The following UTRN variants were observed in gnomAD, a reference collection of about 807,000 sequenced individuals.
The protein encoded by UTRN is utrophin, also known as dystrophin-related protein 1.
In UTRN, 283 loss-of-function variants were observed where a neutral mutation model predicts 463.9. The observed-to-expected ratio is 0.61, with a 90% CI of 0.55 to 0.67. The LOEUF (loss-of-function observed/expected upper bound fraction) is 0.67. Ranked by LOEUF, UTRN falls within the 30% of genes least tolerant of loss-of-function variation. The probability of loss-of-function intolerance (pLI) is 0.00; values close to 1 mark genes in which losing one functional copy is unlikely to be tolerated. For synonymous variants in UTRN, 1,442 were observed against 1,431.5 expected, an observed-to-expected ratio of 1.01 and a Z score of -0.17; for missense variants, 3,922 against 4,084.3, an observed-to-expected ratio of 0.96 and a Z score of 1.08.
intron 7 of UTRN, 47 bp downstream of exon 7, chr6:144,426,506 C>T (rs1219296547): frequency 6.5e-7 from 1 of 1,539,382 alleles, no homozygotes. Flanking sequence ...ATTCATGTCT[C>T]CTCTCTGTCC....
At chr6:144,355,024 C>G (rs146629873) in intron 2 of UTRN, among the ~76,000 whole-genome samples, 3 of 151,970 alleles carry the variant, frequency 2.0e-5, no homozygotes, top group East Asian at 1.9e-4. Flanking sequence ...GCTCCTGGCA[C>G]GTTTTTTAGT....
chr6:144,423,509 G>T, intron 4 of UTRN, 40 bp from the exon 5 acceptor site: 1 of 1,593,984 alleles, frequency 6.3e-7, no homozygotes, highest in Non-Finnish European at 8.6e-7. Context: ...GCATATGGAG[G>T]GACAATCAGT....
intron 64 of UTRN, among the ~76,000 whole-genome samples, chr6:144,798,904 G>A (rs1777470674): frequency 6.6e-6 from 1 of 152,210 alleles, no homozygotes; most frequent in Non-Finnish European, 1.5e-5. Context: ...ACCACACCCA[G>A]CTAATTTTTG....
chr6:144,608,342 C>G (rs112490619), intron 51 of UTRN, among the ~76,000 whole-genome samples: 3,349 of 152,292 alleles, frequency 0.022, 55 homozygotes, highest in Non-Finnish European at 0.035. Flanking sequence ...CCTTTGCAAT[C>G]ATGTGAGCCA....
At chr6:144,527,232 AC>A (rs1249983273) in intron 41 of UTRN, among the ~76,000 whole-genome samples, 1 of 152,214 alleles carries the variant, frequency 6.6e-6, no homozygotes, top group Non-Finnish European at 1.5e-5. Flanking sequence ...TTTGAAAAAG[AC>A]TATCTTTCCT....
chr6:144,399,567 C>G (rs1166546933), intron 2 of UTRN, among the ~76,000 whole-genome samples: 1 of 152,124 alleles, frequency 6.6e-6, no homozygotes, highest in African/African-American at 2.4e-5. Context: ...TAATAAGCTG[C>G]ACTTTAGGGA....
intron 51 of UTRN, among the ~76,000 whole-genome samples, chr6:144,589,629 G>T (rs1022824599): frequency 6.6e-6 from 1 of 152,144 alleles, no homozygotes; most frequent in African/African-American, 2.4e-5. Context: ...CTAAGTAATA[G>T]ATATTGTTTT....
At chr6:144,761,612 C>T (rs1017350793) in intron 58 of UTRN, among the ~76,000 whole-genome samples, 3 of 151,826 alleles carry the variant, frequency 2.0e-5, no homozygotes, top group Non-Finnish European at 4.4e-5. Context: ...CACCACTGCA[C>T]TACAGTCTGG....
At chr6:144,391,766 C>T (rs1156801716) in intron 2 of UTRN, among the ~76,000 whole-genome samples, 1 of 152,154 alleles carries the variant, frequency 6.6e-6, no homozygotes, top group Non-Finnish European at 1.5e-5. Flanking sequence ...CTCAGCCTCC[C>T]CAGTAGCTGG....
intron 61 of UTRN, among the ~76,000 whole-genome samples, chr6:144,783,421 C>T (rs141512082): frequency 1.3e-5 from 2 of 152,160 alleles, no homozygotes; most frequent in East Asian, 3.9e-4. Flanking sequence ...GACTAAAAAT[C>T]TGGATTTTTT....
chr6:144,729,051 G>A (rs1788238573), intron 53 of UTRN, among the ~76,000 whole-genome samples: 1 of 152,056 alleles, frequency 6.6e-6, no homozygotes, highest in Admixed American at 6.5e-5. Context: ...TTCTAGAGTA[G>A]TACTTGAGGA....
At chr6:144,845,846 T>G (rs1781967434) in intron 73 of UTRN, among the ~76,000 whole-genome samples, 1 of 152,028 alleles carries the variant, frequency 6.6e-6, no homozygotes, top group Non-Finnish European at 1.5e-5. Flanking sequence ...CCTCCAGACG[T>G]TATAGGAAGG....
chr6:144,403,199 C>G lies in UTRN; in HGVS notation c.141+15C>G, dbSNP rs772452141. 4.3e-6 allele frequency: 7 copies of G among 1,610,254 alleles called. No homozygotes were observed. In the African/African-American group the frequency reaches 8.0e-5, roughly 18 times the overall value. On this transcript the variant is annotated intron_variant, in intron 3 of 74. Coordinates refer to ENST00000367545, the MANE Select transcript of UTRN (RefSeq NM_007124.3). ...GATTTTCAAAGGTAACTGAGACTTTCAAAAACTTCGATGGTTCAGATGCCG... is the reference window on the plus strand; with the variant it reads ...GATTTTCAAAGGTAACTGAGACTTTGAAAAACTTCGATGGTTCAGATGCCG...
chr6:144,706,387 G>A (rs571121588), intron 53 of UTRN, among the ~76,000 whole-genome samples: 24 of 151,940 alleles, frequency 1.6e-4, no homozygotes, highest in African/African-American at 5.5e-4. Flanking sequence ...TCTTATTTAC[G>A]GTAGAGGAAC....
chr6:144,594,000 T>C (rs1243737213), intron 51 of UTRN, among the ~76,000 whole-genome samples: 1 of 152,226 alleles, frequency 6.6e-6, no homozygotes, highest in Admixed American at 6.6e-5. Flanking sequence ...GGAAACAGCC[T>C]TCTTTTGGAT....
chr6:144,448,896 A>G (rs1278913799), intron 17 of UTRN, 127 bp downstream of exon 17: 2 of 1,137,348 alleles, frequency 1.8e-6, no homozygotes. Flanking sequence ...TTATTATGAA[A>G]AGTCAACTAC....
Position 144,347,837 on chromosome 6 carries a change from G to GTTTTTTTTTTTTTTTTTTTTTTTT in UTRN, c.80-55274_80-55273insTTTTTTTTTTTTTTTTTTTTTTTT, listed in dbSNP as rs560581181. Among the ~76,000 whole-genome samples, 54 of 128,900 alleles carry GTTTTTTTTTTTTTTTTTTTTTTTT rather than the reference G, an allele frequency of 4.2e-4. 3 individuals are homozygous for GTTTTTTTTTTTTTTTTTTTTTTTT. The highest frequency in any genetic ancestry group is 1.7e-3 in the African/African-American group (50 of 29,470). The allele number at this position is 128,900 out of a possible 152,430, so 84.6% of individuals were successfully genotyped here. A position where few individuals can be genotyped will look rare whatever the true frequency, so the allele number is the denominator to read the frequency against. On this transcript the variant is annotated intron_variant, in intron 2 of 74. Transcript: ENST00000367545. Reference sequence around the variant, plus strand: ...TCTCCTGAACTGTGGCTTATTCTTTGTTTTTTTTTTTTGTTTTTTTTTTTG... The same window carrying GTTTTTTTTTTTTTTTTTTTTTTTT: ...TCTCCTGAACTGTGGCTTATTCTTTGTTTTTTTTTTTTTTTTTTTTTTTTTTTTTTTTTTTTGTTTTTTTTTTTG...
At chr6:144,573,054 A>G (rs1488034037) in intron 50 of UTRN, among the ~76,000 whole-genome samples, 1 of 152,178 alleles carries the variant, frequency 6.6e-6, no homozygotes, top group African/African-American at 2.4e-5. Context: ...CCTCTCCAGC[A>G]TCTGTTTTAT....
intron 64 of UTRN, among the ~76,000 whole-genome samples, chr6:144,802,460 C>T (rs1000770074): frequency 6.6e-6 from 1 of 152,088 alleles, no homozygotes; most frequent in East Asian, 1.9e-4. Context: ...GAACAGATTT[C>T]GGAGAAGATG....
Sources: gnomAD v4.1 joint callset for allele counts (sites outside exome capture counted in the v4.1 genomes callset) on GRCh38, gnomAD v4.1.1 for gene constraint, MANE v1.5 for transcripts, NCBI Gene and HGNC (gene_info 2026-07-23, HGNC 2026-07-21) for gene names.